The following LHFPL5 variants were observed in gnomAD, a reference collection of about 807,000 sequenced individuals.
LHFPL5 encodes LHFPL tetraspan subfamily member 5 protein.
LHFPL5 carries 12 observed loss-of-function variants against 18.7 expected under a neutral mutation model. The ratio of observed to expected loss-of-function variants is 0.64; its 90% confidence interval spans 0.41 to 1.04. LHFPL5 has a LOEUF of 1.04. Ranked by LOEUF, LHFPL5 falls within the 50% of genes least tolerant of loss-of-function variation. The pLI is 0.00. For synonymous variants in LHFPL5, 111 were observed against 120.2 expected, an observed-to-expected ratio of 0.92 and a Z score of 0.50; for missense variants, 259 against 292.1, an observed-to-expected ratio of 0.89 and a Z score of 0.83.
chr6:35,813,252 T>C (rs1183041284), intron 1 of LHFPL5, among the ~76,000 whole-genome samples: 11 of 138,950 alleles, frequency 7.9e-5, no homozygotes, highest in Admixed American at 5.0e-4. Context: ...TTTTTTTTTT[T>C]TTTTTTTTTT....
At chr6:35,809,314 G>A (rs777890171) in intron 1 of LHFPL5, among the ~76,000 whole-genome samples, 1 of 152,070 alleles carries the variant, frequency 6.6e-6, no homozygotes, top group Non-Finnish European at 1.5e-5. Context: ...TAAAACAACA[G>A]AAATTCATTT....
intron 2 of LHFPL5, among the ~76,000 whole-genome samples, chr6:35,818,339 ATATATATATGTATTTT>A (rs1191864507): frequency 9.0e-4 from 25 of 27,860 alleles, no homozygotes; most frequent in Non-Finnish European, 1.1e-3. Context: ...ATATATATAT[ATATATATATGTATTTT>A]TTTTTTTTTT....
chr6:35,805,810 C>T lies in LHFPL5; in HGVS notation c.140C>T (p.Pro47Leu). ...SVLVMALFIQPYWIGDSVNTP... is the reference protein window; with the variant it reads ...SVLVMALFIQLYWIGDSVNTP... ...CTGGTCATGGCCCTCTTCATCCAGC[C>T]CTACTGGATCGGCGACAGCGTCAAC... Residue 47 changes from proline (P) to leucine (L), a missense_variant, in exon 1 of 4, where the codon CCC becomes CTC. Pro to Leu is a moderately conservative substitution (Grantham distance 98). Transcript: ENST00000360215. This position sits in a 1 kb window ranked among gnomAD's most constrained non-coding sequence, Gnocchi z 4.3. 1 of 1,614,244 alleles carries T rather than the reference C, an allele frequency of 6.2e-7. No homozygotes were observed. Among genetic ancestry groups the T allele is most frequent in the Non-Finnish European group, 8.5e-7 (1 of 1,180,040 alleles).
At chr6:35,815,512 G>A (rs1431101464) in intron 2 of LHFPL5, among the ~76,000 whole-genome samples, 1 of 152,170 alleles carries the variant, frequency 6.6e-6, no homozygotes, top group Admixed American at 6.6e-5. Context: ...CAAGGGCAAG[G>A]CCTGTCTTGC....
In LHFPL5 at chr6:35,816,062, T is replaced by C. The variant is rs1295504268; in HGVS notation, c.649+1280T>C. Among the ~76,000 whole-genome samples, 5 of 149,320 alleles carry C rather than the reference T, an allele frequency of 3.3e-5. No homozygotes were observed. The East Asian group carries it at 9.9e-4, about 30-fold the overall frequency. On this transcript the variant is annotated intron_variant, in intron 2 of 3. Coordinates refer to ENST00000360215, the MANE Select transcript of LHFPL5 (RefSeq NM_182548.4). Reference sequence around the variant, plus strand: ...GGCGGGCGCCTGTAGTCCCAGCTACTGGGGAGGCTGAGGCAGGAGAATGGC... The same window carrying C: ...GGCGGGCGCCTGTAGTCCCAGCTACCGGGGAGGCTGAGGCAGGAGAATGGC...
chr6:35,822,050 G>GT (rs947089174), intron 3 of LHFPL5, among the ~76,000 whole-genome samples: 7 of 149,782 alleles, frequency 4.7e-5, no homozygotes, highest in Middle Eastern at 3.4e-3. Flanking sequence ...TAATAATTTT[G>GT]TTTTTTTTGT....
chr6:35,822,509 T>G (rs1182550568), intron 3 of LHFPL5, among the ~76,000 whole-genome samples: 1 of 152,128 alleles, frequency 6.6e-6, no homozygotes, highest in Non-Finnish European at 1.5e-5. Flanking sequence ...TTTGTTTTGT[T>G]TTTTGTAATT....
At chr6:35,810,868 A>C (rs183382714) in intron 1 of LHFPL5, among the ~76,000 whole-genome samples, 280 of 152,078 alleles carry the variant, frequency 1.8e-3, no homozygotes, top group African/African-American at 6.6e-3. Context: ...AACACAAGAA[A>C]CAACTATATC....
At position 35,820,575 on chromosome 6, in the gene LHFPL5, C is replaced by G. The variant is rs182338113; in HGVS notation, c.*16+1112C>G. On this transcript the variant is annotated intron_variant, in intron 3 of 3. Coordinates refer to ENST00000360215, the MANE Select transcript of LHFPL5 (RefSeq NM_182548.4). ...ATTAGCCAGGTGTGGTGGTGGGCAC[C>G]TGTAGTCCCAGCTACTTGGGAGGCT... 1.5e-4 allele frequency among the ~76,000 whole-genome samples: 23 copies of G among 152,088 alleles called. No homozygotes were observed. The East Asian group carries it at 4.4e-3, about 29-fold the overall frequency.
In LHFPL5 at chr6:35,805,936, T is replaced by C. The variant is rs1424478964; in HGVS notation, c.266T>C (p.Ile89Thr). ...CKGGPLDFSSIPSRAFKTAMF... is the reference protein window; with the variant it reads ...CKGGPLDFSSTPSRAFKTAMF... ...GGCGGCCCCCTAGACTTCTCCTCCA[T>C]CCCCTCTAGAGCCTTCAAGACTGCC... Residue 89 changes from isoleucine (I) to threonine (T), a missense_variant, in exon 1 of 4, where the codon ATC becomes ACC. Ile to Thr is a moderately conservative substitution (Grantham distance 89). Coordinates refer to ENST00000360215, the MANE Select transcript of LHFPL5 (RefSeq NM_182548.4). The surrounding 1 kb of genome is among the most constrained non-coding windows in gnomAD (Gnocchi z 4.3). The C allele has an allele frequency of 2.5e-6, 4 of 1,614,188 alleles. No individual in the cohort carries two copies. The highest frequency in any genetic ancestry group is 3.4e-6 in the Non-Finnish European group (4 of 1,180,032).
intron 2 of LHFPL5, among the ~76,000 whole-genome samples, chr6:35,816,366 A>AAAAAAG (rs1445196230): frequency 6.6e-6 from 1 of 151,468 alleles, no homozygotes; most frequent in Non-Finnish European, 1.5e-5. Context: ...AAAAAAGAAA[A>AAAAAAG]AAAAAGAAAA....
At chr6:35,813,010 G>A (rs1327335731) in intron 1 of LHFPL5, among the ~76,000 whole-genome samples, 8 of 151,962 alleles carry the variant, frequency 5.3e-5, no homozygotes, top group African/African-American at 1.7e-4. Context: ...AGCCGAGATC[G>A]TGCCACTGCA....
At position 35,811,910 on chromosome 6, in the gene LHFPL5, A is replaced by G. The variant is rs543147225; in HGVS notation, c.413-2636A>G. Among the ~76,000 whole-genome samples, 32 of 152,326 alleles carry G rather than the reference A, an allele frequency of 2.1e-4. No homozygotes were observed. In the South Asian group the frequency reaches 3.5e-3, roughly 17 times the overall value. ...CCGCTAATTACATTCAGCCCCTGGG[A>G]GAGATGTCATGTTCTGGGGGTGGAG... On this transcript the variant is annotated intron_variant, in intron 1 of 3. Coordinates refer to ENST00000360215, the MANE Select transcript of LHFPL5 (RefSeq NM_182548.4).
Position 35,814,141 on chromosome 6 carries a change from G to A in LHFPL5, c.413-405G>A, listed in dbSNP as rs1231368158. Among the ~76,000 whole-genome samples the A allele has an allele frequency of 6.6e-6, 1 of 152,194 alleles. No homozygotes were observed. Among genetic ancestry groups the A allele is most frequent in the Non-Finnish European group, 1.5e-5 (1 of 68,032 alleles). ...CTTATTTCACAGATGTTGTAAGTAC[G>A]AAGAAATGTACATCTCAGCAGTGAT... On this transcript the variant is annotated intron_variant, in intron 1 of 3. Transcript: ENST00000360215. This position sits in a 1 kb window ranked among gnomAD's most constrained non-coding sequence, Gnocchi z 4.2.
Position 35,805,507 on chromosome 6 carries a change from C to A in LHFPL5, c.-164C>A. 1.5e-6 allele frequency: 1 copy of A among 662,844 alleles called. No homozygotes were observed. Among genetic ancestry groups the A allele is most frequent in the Non-Finnish European group, 2.6e-6 (1 of 377,504 alleles). 41.1% of individuals were successfully genotyped at this position (662,844 alleles called of 1,614,324 possible). On this transcript the variant is annotated 5_prime_UTR_variant, in exon 1 of 4. Transcript: ENST00000360215. This position sits in a 1 kb window ranked among gnomAD's most constrained non-coding sequence, Gnocchi z 4.3. ...TTGACCAAATCAAGGTTGTCCTTGT[C>A]CTATTAAGCCTCTTCCCCTTGCCTT...
chr6:35,807,930 T>G (rs2151069232), intron 1 of LHFPL5, among the ~76,000 whole-genome samples: 1 of 152,302 alleles, frequency 6.6e-6, no homozygotes, highest in South Asian at 2.1e-4. Flanking sequence ...TGGGTATTTA[T>G]CTATTTTACA....
Position 35,814,619 on chromosome 6 carries a change from G to C in LHFPL5, c.486G>C (p.Gly162=). 2 of 1,614,186 alleles carry C rather than the reference G, an allele frequency of 1.2e-6. No individual in the cohort carries two copies. Among genetic ancestry groups the C allele is most frequent in the Non-Finnish European group, 1.7e-6 (2 of 1,180,036 alleles). The change falls in exon 2 of 4, where the codon GGG becomes GGC. Residue 162 remains glycine (G), a synonymous_variant. Transcript: ENST00000360215. This position sits in a 1 kb window ranked among gnomAD's most constrained non-coding sequence, Gnocchi z 4.2. ...WDSSEVRRMC[G]EQTGKYTLGH... ...CAAGTGAGGTGCGGCGCATGTGTGG[G>C]GAGCAGACGGGCAAGTACACGCTGG...
At chr6:35,811,084 G>A (rs143402881) in intron 1 of LHFPL5, among the ~76,000 whole-genome samples, 60 of 152,264 alleles carry the variant, frequency 3.9e-4, no homozygotes, top group African/African-American at 1.4e-3. Context: ...AACTCTGGGA[G>A]GTCTCCCACT....
At chr6:35,807,545 G>A (rs1226519795) in intron 1 of LHFPL5, among the ~76,000 whole-genome samples, 3 of 152,134 alleles carry the variant, frequency 2.0e-5, no homozygotes, top group African/African-American at 7.2e-5. Context: ...GGAAACTAGA[G>A]TGAAACCATC....
Sources: allele counts gnomAD v4.1 joint callset (sites outside exome capture counted in the v4.1 genomes callset), GRCh38; gene constraint gnomAD v4.1.1; non-coding constraint Gnocchi (gnomAD v3.1); transcripts MANE v1.5; gene names NCBI Gene and HGNC (gene_info 2026-07-23, HGNC 2026-07-21).